Variants in EPB41L2 observed in about 807,000 individuals in gnomAD.
EPB41L2 encodes band 4.1-like protein 2.
A neutral mutation model predicts 113.0 loss-of-function variants in EPB41L2; 43 were observed. That is an observed-to-expected ratio of 0.38 (90% CI 0.30 to 0.49). EPB41L2 has a LOEUF of 0.49. EPB41L2 is among the 20% of genes least tolerant of loss of function. The pLI is 0.95. For missense variants in EPB41L2, 1,147 were observed against 1,223.4 expected, an observed-to-expected ratio of 0.94 and a Z score of 0.93; for synonymous variants, 442 against 436.7, an observed-to-expected ratio of 1.01 and a Z score of -0.15.
intron 14 of EPB41L2, chr6:130,876,818 T>C: frequency 1.7e-6 from 2 of 1,194,724 alleles, no homozygotes; most frequent in East Asian, 5.7e-5. Flanking sequence ...ATAAGACACA[T>C]ACATTACACC....
rs1562407528 is a variant in EPB41L2 at position 130,891,433 on chromosome 6, TTACTTAC to T, written c.1488-974_1488-968del. Among the ~76,000 whole-genome samples, 7 of 53,512 alleles carry T rather than the reference TTACTTAC, an allele frequency of 1.3e-4. No homozygotes were observed. The East Asian group carries it at 3.1e-3, about 23-fold the overall frequency. The allele number at this position is 53,512 out of a possible 152,430, so 35.1% of individuals were successfully genotyped here. ...CAGCTTTATTTATTTATTTATTTAC[TTACTTAC>T]TTACTTACTTACTTATTTAATTTTT... On this transcript the variant is annotated intron_variant, in intron 10 of 19. Transcript: ENST00000337057.
At chr6:130,928,564 C>A (rs1034483505) in intron 3 of EPB41L2, among the ~76,000 whole-genome samples, 11 of 152,258 alleles carry the variant, frequency 7.2e-5, no homozygotes, top group Admixed American at 7.2e-4. Flanking sequence ...CCAACACTAG[C>A]TTCAAGTCAA....
chr6:130,913,054 T>C (rs954046017), intron 4 of EPB41L2, among the ~76,000 whole-genome samples: 2 of 152,138 alleles, frequency 1.3e-5, no homozygotes, highest in African/African-American at 4.8e-5. Context: ...CAGAAGATGG[T>C]GGAAGCTTGT....
chr6:130,850,238 C>CA (rs1778396590), intron 19 of EPB41L2, among the ~76,000 whole-genome samples: 1 of 151,768 alleles, frequency 6.6e-6, no homozygotes, highest in South Asian at 2.1e-4. Flanking sequence ...AACTCTGTCT[C>CA]AAAAAAACAA....
chr6:130,941,047 T>G (rs1458077244), intron 3 of EPB41L2, among the ~76,000 whole-genome samples: 2 of 152,190 alleles, frequency 1.3e-5, no homozygotes, highest in Non-Finnish European at 2.9e-5. Context: ...TTTTATCTTC[T>G]CAGCTCAAGT....
chr6:131,006,460 G>A (rs930710366), intron 1 of EPB41L2, among the ~76,000 whole-genome samples: 3 of 151,568 alleles, frequency 2.0e-5, no homozygotes, highest in African/African-American at 7.3e-5. Context: ...TCAGGAGCTC[G>A]AGACGAGCCT....
chr6:130,996,826 C>T lies in EPB41L2; in HGVS notation c.-14-40327G>A, dbSNP rs78899775. Among the ~76,000 whole-genome samples the T allele has an allele frequency of 0.02, 3,090 of 152,210 alleles. 207 individuals are homozygous for T. The East Asian group carries it at 0.27, about 13-fold the overall frequency. On this transcript the variant is annotated intron_variant, in intron 1 of 19. Transcript: ENST00000337057. ...GAAATGTGGGTACCTGGAAATTTTG[C>T]TTTATTTGCATTTTTCTGTTACCAA...
chr6:130,925,658 C>A (rs117254608), intron 4 of EPB41L2, among the ~76,000 whole-genome samples: 1 of 152,158 alleles, frequency 6.6e-6, no homozygotes, highest in African/African-American at 2.4e-5. Context: ...CAAATTCCCA[C>A]CACTTTCTCT....
chr6:130,858,669 G>A (rs1400632471), intron 18 of EPB41L2, among the ~76,000 whole-genome samples: 1 of 152,260 alleles, frequency 6.6e-6, no homozygotes, highest in Non-Finnish European at 1.5e-5. Context: ...TAGACATTCA[G>A]GTGATACTAG....
At chr6:130,890,544 C>T in intron 10 of EPB41L2, 78 bp from the exon 11 acceptor site, 1 of 1,478,800 alleles carries the variant, frequency 6.8e-7, no homozygotes, top group East Asian at 2.3e-5. Context: ...TTTAAAAAAA[C>T]TTTAAAGCTA....
Position 130,972,574 on chromosome 6 carries a change from T to C in EPB41L2, c.-14-16075A>G, listed in dbSNP as rs1777110875. ...TTTTTTTTTTTCCCAACACACATAT[T>C]TGCCTTGACAATTCAGGACTCAGAT... On this transcript the variant is annotated intron_variant, in intron 1 of 19. Coordinates refer to ENST00000337057, the MANE Select transcript of EPB41L2 (RefSeq NM_001431.4). Among the ~76,000 whole-genome samples the C allele has an allele frequency of 2.6e-5, 4 of 151,726 alleles. No individual in the cohort carries two copies. The South Asian group carries it at 8.3e-4, about 32-fold the overall frequency.
At chr6:131,059,175 C>T (rs1385083287) in intron 1 of EPB41L2, among the ~76,000 whole-genome samples, 1 of 139,552 alleles carries the variant, frequency 7.2e-6, no homozygotes, top group Admixed American at 7.7e-5. Flanking sequence ...CGTGCAGTGG[C>T]GCAATCTCCG....
chr6:130,867,865 G>A (rs557011662), intron 15 of EPB41L2: 41 of 354,574 alleles, frequency 1.2e-4, no homozygotes, highest in Middle Eastern at 1.9e-3. Context: ...TGACATGATG[G>A]CTTCCTAAAT....
intron 1 of EPB41L2, among the ~76,000 whole-genome samples, chr6:131,005,332 T>C (rs960187105): frequency 6.6e-6 from 1 of 152,178 alleles, no homozygotes; most frequent in Non-Finnish European, 1.5e-5. Context: ...CCTCTCCTCA[T>C]TGCACAGCTT....
intron 1 of EPB41L2, among the ~76,000 whole-genome samples, chr6:131,040,411 C>A (rs1375790838): frequency 1.3e-5 from 2 of 152,124 alleles, no homozygotes; most frequent in Non-Finnish European, 2.9e-5. Flanking sequence ...TGCACTCCAG[C>A]CTGGGCAACA....
At chr6:130,925,250 G>A (rs1418062005) in intron 4 of EPB41L2, among the ~76,000 whole-genome samples, 8 of 145,196 alleles carry the variant, frequency 5.5e-5, no homozygotes, top group Admixed American at 2.8e-4. Flanking sequence ...GTGCAGTGGC[G>A]TGATCTTGGC....
intron 1 of EPB41L2, among the ~76,000 whole-genome samples, chr6:131,053,792 G>C (rs1317656567): frequency 6.6e-6 from 1 of 152,244 alleles, no homozygotes; most frequent in African/African-American, 2.4e-5. Flanking sequence ...GGTATACTGA[G>C]TTGATCATAA....
chr6:131,028,996 G>C (rs571062983), intron 1 of EPB41L2, among the ~76,000 whole-genome samples: 1 of 152,256 alleles, frequency 6.6e-6, no homozygotes, highest in South Asian at 2.1e-4. Context: ...CTTGGCTTTA[G>C]AGGGTTACAA....
chr6:131,052,182 C>A (rs1369824779), intron 1 of EPB41L2, among the ~76,000 whole-genome samples: 8 of 152,166 alleles, frequency 5.3e-5, no homozygotes, highest in Non-Finnish European at 1.2e-4. Context: ...GGCAATCCAA[C>A]TGCCTCAGCC....
Sources: allele counts gnomAD v4.1 joint callset (sites outside exome capture counted in the v4.1 genomes callset), GRCh38; gene constraint gnomAD v4.1.1; transcripts MANE v1.5; gene names NCBI Gene and HGNC (gene_info 2026-07-23, HGNC 2026-07-21).